Variants in ROBO1 observed in about 807,000 individuals in gnomAD.
ROBO1 encodes the protein roundabout guidance receptor 1, also known as roundabout homolog 1.
Under a neutral mutation model 195.9 loss-of-function variants are expected in ROBO1, and 149 were observed. The ratio of observed to expected loss-of-function variants is 0.76; its 90% confidence interval spans 0.67 to 0.87. The LOEUF is 0.87. ROBO1 is among the 40% of genes least tolerant of loss of function. The probability of loss-of-function intolerance (pLI) is 0.00; values close to 1 mark genes in which losing one functional copy is unlikely to be tolerated. For missense variants in ROBO1, 1,933 were observed against 2,068.3 expected, an observed-to-expected ratio of 0.93 and a Z score of 1.27; for synonymous variants, 816 against 733.2, an observed-to-expected ratio of 1.11 and a Z score of -1.82.
intron 11 of ROBO1, 71 bp from the exon 12 acceptor site, chr3:78,668,636 G>C: frequency 7.3e-7 from 1 of 1,376,546 alleles, no homozygotes; most frequent in Non-Finnish European, 1.0e-6. Flanking sequence ...GCAATTACAG[G>C]TTTGTATATG....
intron 2 of ROBO1, among the ~76,000 whole-genome samples, chr3:79,354,739 A>T (rs771245039): frequency 6.6e-6 from 1 of 152,200 alleles, no homozygotes; most frequent in Non-Finnish European, 1.5e-5. Flanking sequence ...CAAGTAAGAC[A>T]CCTTTGCAAC....
intron 3 of ROBO1, among the ~76,000 whole-genome samples, chr3:79,103,530 G>A (rs1011765931): frequency 1.3e-5 from 2 of 151,604 alleles, no homozygotes; most frequent in East Asian, 1.9e-4. Flanking sequence ...AGAGCAAAAC[G>A]GCCCTATGCA....
chr3:79,125,344 G>C, intron 3 of ROBO1, 112 bp downstream of exon 3: 1 of 826,906 alleles, frequency 1.2e-6, no homozygotes, highest in Non-Finnish European at 2.0e-6. Context: ...AGAAATTGTG[G>C]TTGTTAGCTG....
chr3:79,300,350 G>A (rs187051380), intron 2 of ROBO1, among the ~76,000 whole-genome samples: 1,990 of 152,340 alleles, frequency 0.013, 19 homozygotes, highest in Middle Eastern at 0.034. Flanking sequence ...GCAATGAGGG[G>A]CTTAGCACCC....
intron 3 of ROBO1, among the ~76,000 whole-genome samples, chr3:79,017,296 T>C (rs966566566): frequency 1.1e-4 from 17 of 152,102 alleles, no homozygotes; most frequent in African/African-American, 4.1e-4. Context: ...GTAAAATCCC[T>C]GGTCAAAACA....
rs1232986188 is a variant in ROBO1, at chr3:78,792,943, T to C, written c.500-46043A>G. 3.3e-5 allele frequency among the ~76,000 whole-genome samples: 5 copies of C among 151,680 alleles called. No individual in the cohort carries two copies. In the East Asian group the frequency reaches 9.8e-4, roughly 30 times the overall value. ...AGTAGAACCTCCTCTCTACTAAAAATAAAATCAAATAAATCCAGGCATTGT... is the reference window on the plus strand; with the variant it reads ...AGTAGAACCTCCTCTCTACTAAAAACAAAATCAAATAAATCCAGGCATTGT... On this transcript the variant is annotated intron_variant, in intron 4 of 30. Transcript: ENST00000464233.
chr3:79,665,827 C>G (rs1414253479), intron 1 of ROBO1, among the ~76,000 whole-genome samples: 3 of 151,864 alleles, frequency 2.0e-5, no homozygotes, highest in Non-Finnish European at 4.4e-5. Flanking sequence ...AGGAAAGGAT[C>G]TTAAACACAA....
At chr3:78,734,404 A>G (rs1009907463) in intron 5 of ROBO1, among the ~76,000 whole-genome samples, 1 of 151,904 alleles carries the variant, frequency 6.6e-6, no homozygotes, top group Admixed American at 6.6e-5. Context: ...CCACAAAAAA[A>G]AAAAAAAAAT....
intron 3 of ROBO1, among the ~76,000 whole-genome samples, chr3:78,987,154 C>T (rs1303741455): frequency 7.8e-6 from 1 of 128,270 alleles, no homozygotes; most frequent in African/African-American, 2.9e-5. Flanking sequence ...GTGCCATAAA[C>T]ACAGGGTGAG....
chr3:78,788,715 C>A (rs2083925995), intron 4 of ROBO1, among the ~76,000 whole-genome samples: 1 of 151,914 alleles, frequency 6.6e-6, no homozygotes, highest in Admixed American at 6.6e-5. Flanking sequence ...TTTGAAATCC[C>A]TAGCACATTT....
At chr3:79,211,452 AG>A (rs1481046801) in intron 2 of ROBO1, among the ~76,000 whole-genome samples, 1 of 152,180 alleles carries the variant, frequency 6.6e-6, no homozygotes, top group Non-Finnish European at 1.5e-5. Context: ...CAGAGTTGTA[AG>A]AGAAGAGCTC....
chr3:79,421,705 T>G (rs1354884945), intron 2 of ROBO1, among the ~76,000 whole-genome samples: 2 of 152,146 alleles, frequency 1.3e-5, no homozygotes, highest in African/African-American at 4.8e-5. Flanking sequence ...TCTGATTTGT[T>G]GGGTAATTGA....
intron 2 of ROBO1, among the ~76,000 whole-genome samples, chr3:79,155,599 A>G (rs917800647): frequency 6.6e-6 from 1 of 151,776 alleles, no homozygotes; most frequent in African/African-American, 2.4e-5. Flanking sequence ...AGTACAGTCC[A>G]TAGTACATGT....
chr3:79,500,156 A>C (rs1393082727), intron 2 of ROBO1, among the ~76,000 whole-genome samples: 1 of 115,246 alleles, frequency 8.7e-6, no homozygotes, highest in Non-Finnish European at 1.7e-5. Flanking sequence ...TTTGAGAAGA[A>C]GTCTCGCTCT....
chr3:79,088,135 A>G (rs1053859577), intron 3 of ROBO1, among the ~76,000 whole-genome samples: 1 of 152,082 alleles, frequency 6.6e-6, no homozygotes, highest in Non-Finnish European at 1.5e-5. Flanking sequence ...ATGGGGCAAG[A>G]CTTTAATTCT....
intron 1 of ROBO1, among the ~76,000 whole-genome samples, chr3:79,748,700 G>A (rs181663831): frequency 1.3e-5 from 2 of 152,214 alleles, no homozygotes; most frequent in Admixed American, 6.5e-5. Flanking sequence ...CTACTCTCAT[G>A]ATAGTGAATA....
At chr3:79,133,447 C>T (rs2080331150) in intron 2 of ROBO1, among the ~76,000 whole-genome samples, 1 of 123,240 alleles carries the variant, frequency 8.1e-6, no homozygotes, top group Admixed American at 9.0e-5. Context: ...TCTTCCATTG[C>T]TGATACCCTT....
intron 3 of ROBO1, among the ~76,000 whole-genome samples, chr3:79,096,671 T>A (rs1416640120): frequency 6.6e-6 from 1 of 151,120 alleles, no homozygotes; most frequent in Non-Finnish European, 1.5e-5. Flanking sequence ...TATATGTGTA[T>A]ATATATGTGT....
rs142024947 is a variant in ROBO1 at position 79,286,415 on chromosome 3, C to G, written c.89-160876G>C. On this transcript the variant is annotated intron_variant, in intron 2 of 30. Coordinates refer to ENST00000464233, the MANE Select transcript of ROBO1 (RefSeq NM_002941.4). Reference sequence around the variant, plus strand: ...AATTGTTCACATTTTAAAGAGACAGCCTGTGGAAATGCAGTCATACTCAAT... The same window carrying G: ...AATTGTTCACATTTTAAAGAGACAGGCTGTGGAAATGCAGTCATACTCAAT... Among the ~76,000 whole-genome samples, 1,361 of 152,228 alleles carry G rather than the reference C, an allele frequency of 8.9e-3. 18 individuals carry two copies. The highest frequency in any genetic ancestry group is 0.031 in the African/African-American group (1,281 of 41,550).
Sources: gnomAD v4.1 joint callset for allele counts (sites outside exome capture counted in the v4.1 genomes callset) on GRCh38, gnomAD v4.1.1 for gene constraint, MANE v1.5 for transcripts, NCBI Gene and HGNC (gene_info 2026-07-23, HGNC 2026-07-21) for gene names.